ZFHX3: variants seen among roughly 807,000 people sequenced by gnomAD.
ZFHX3 encodes the protein zinc finger homeobox protein 3.
In ZFHX3, 42 loss-of-function variants were observed where a neutral mutation model predicts 279.1. The observed-to-expected ratio is 0.15, with a 90% CI of 0.12 to 0.19. ZFHX3 has a LOEUF of 0.19. Ranked by LOEUF, ZFHX3 falls within the 10% of genes least tolerant of loss-of-function variation. The pLI is 1.00. For synonymous variants in ZFHX3, 2,293 were observed against 1,957.8 expected (o/e 1.17, Z -4.52); for missense variants, 4,981 against 4,754.0 (o/e 1.05, Z -1.40).
intron 5 of ZFHX3, among the ~76,000 whole-genome samples, chr16:73,241,827 C>G (rs924970574): frequency 1.6e-4 from 23 of 141,608 alleles, no homozygotes; most frequent in African/African-American, 6.0e-4. Flanking sequence ...GAGTGTTGGG[C>G]ACTTCTTACT....
chr16:73,131,013 T>C, exon 7 of ZFHX3: 1 of 1,305,212 alleles, frequency 7.7e-7, no homozygotes, highest in Non-Finnish European at 1.0e-6. Context: ...GCGCTGGTTC[T>C]GGAGTTAGAC....
chr16:73,087,329 G>A (rs74911347), intron 8 of ZFHX3, among the ~76,000 whole-genome samples: 2,892 of 152,220 alleles, frequency 0.019, 72 homozygotes, highest in African/African-American at 0.06. Flanking sequence ...GGAATGTGAC[G>A]TGAATATGAA....
In ZFHX3 at chr16:73,248,262, G is replaced by A. The variant is rs115579612; in HGVS notation, c.-1104+8785C>T. Among the ~76,000 whole-genome samples the A allele has an allele frequency of 6.6e-3, 999 of 151,960 alleles. 13 individuals are homozygous for A. The highest frequency in any genetic ancestry group is 0.023 in the African/African-American group (958 of 41,408). ...TGTGTGTGTGTTTATGTGCGTGTAT[G>A]TGGAATGTTTGCATATGTGTGTGTA... On this transcript the variant is annotated intron_variant, in intron 5 of 17. Transcript: ENST00000641206.
chr16:73,836,172 G>A (rs2142363687), intron 1 of ZFHX3, among the ~76,000 whole-genome samples: 1 of 152,306 alleles, frequency 6.6e-6, no homozygotes, highest in East Asian at 1.9e-4. Context: ...AGTGTCCCCA[G>A]GTAAACTTAG....
At chr16:73,129,656 G>A (rs62052404) in intron 7 of ZFHX3, among the ~76,000 whole-genome samples, 61,664 of 151,490 alleles carry the variant, frequency 0.41, 14,310 homozygotes, top group Middle Eastern at 0.62. Context: ...GTGTGTGCAT[G>A]TATGTGTGCC....
chr16:73,448,357 A>C (rs1246952456), intron 3 of ZFHX3, among the ~76,000 whole-genome samples: 1 of 152,194 alleles, frequency 6.6e-6, no homozygotes, highest in Non-Finnish European at 1.5e-5. Flanking sequence ...CAAAATACAA[A>C]CTAAGTGGTA....
intron 3 of ZFHX3, among the ~76,000 whole-genome samples, chr16:72,913,595 G>T (rs1401599924): frequency 1.3e-5 from 2 of 152,186 alleles, no homozygotes; most frequent in African/African-American, 4.8e-5. Context: ...GGTGACATCT[G>T]CTGGGTTTCT....
intron 1 of ZFHX3, among the ~76,000 whole-genome samples, chr16:73,819,396 A>G (rs551530024): frequency 6.6e-6 from 1 of 151,556 alleles, no homozygotes; most frequent in Non-Finnish European, 1.5e-5. Context: ...AGGCATTGCT[A>G]ATTGTTGTTA....
intron 4 of ZFHX3, among the ~76,000 whole-genome samples, chr16:73,268,950 C>T (rs978914148): frequency 5.9e-5 from 9 of 152,156 alleles, no homozygotes; most frequent in Non-Finnish European, 7.3e-5. Context: ...CAGCAGTGCC[C>T]ACCAATGGAG....
chr16:73,715,307 T>G (rs1034005088), intron 1 of ZFHX3, among the ~76,000 whole-genome samples: 1 of 152,196 alleles, frequency 6.6e-6, no homozygotes, highest in Non-Finnish European at 1.5e-5. Flanking sequence ...AAATCAAGCA[T>G]GCTGGCATAG....
chr16:73,159,740 G>T (rs553565190), intron 5 of ZFHX3, among the ~76,000 whole-genome samples: 10 of 152,162 alleles, frequency 6.6e-5, no homozygotes, highest in African/African-American at 2.2e-4. Flanking sequence ...TGTTATTTTT[G>T]TCCTTTAAGC....
At chr16:72,821,092 A>G (rs1490267070) in intron 5 of ZFHX3, among the ~76,000 whole-genome samples, 1 of 152,224 alleles carries the variant, frequency 6.6e-6, no homozygotes, top group East Asian at 1.9e-4. Context: ...GTGAACATAA[A>G]CAGGTAAAAT....
intron 1 of ZFHX3, among the ~76,000 whole-genome samples, chr16:73,841,625 T>C (rs1210565984): frequency 6.6e-6 from 1 of 151,886 alleles, no homozygotes; most frequent in Non-Finnish European, 1.5e-5. Context: ...CACTATCTCC[T>C]CCCCAAGAGC....
chr16:73,352,925 G>C (rs1190599062), intron 3 of ZFHX3, among the ~76,000 whole-genome samples: 1 of 152,116 alleles, frequency 6.6e-6, no homozygotes, highest in Non-Finnish European at 1.5e-5. Context: ...TCAGGGCTGG[G>C]GTCCCAAGCC....
At chr16:72,849,420 A>G (rs2037557417) in intron 4 of ZFHX3, among the ~76,000 whole-genome samples, 1 of 152,116 alleles carries the variant, frequency 6.6e-6, no homozygotes, top group African/African-American at 2.4e-5. Context: ...GGAGGTTGAA[A>G]TGTGCTTACG....
chr16:73,644,174 C>T (rs553727833), intron 2 of ZFHX3, among the ~76,000 whole-genome samples: 4 of 152,174 alleles, frequency 2.6e-5, no homozygotes, highest in South Asian at 2.1e-4. Context: ...CCGGTTTATA[C>T]CCATTCTCTC....
At chr16:73,306,910 G>T (rs1047506420) in intron 4 of ZFHX3, among the ~76,000 whole-genome samples, 2 of 152,178 alleles carry the variant, frequency 1.3e-5, no homozygotes, top group African/African-American at 2.4e-5. Context: ...TGAGAGAAGG[G>T]TATAGAGTTA....
chr16:72,928,176 G>A (rs1401939101), intron 3 of ZFHX3, among the ~76,000 whole-genome samples: 1 of 69,756 alleles, frequency 1.4e-5, no homozygotes, highest in Non-Finnish European at 2.8e-5. Flanking sequence ...GGGAGGGGGA[G>A]GGGAGAGAGG....
intron 3 of ZFHX3, among the ~76,000 whole-genome samples, chr16:73,449,672 T>C (rs2018249686): frequency 1.3e-5 from 2 of 152,126 alleles, no homozygotes; most frequent in African/African-American, 2.4e-5. Flanking sequence ...ATGACAAATA[T>C]TACAAACCTT....
Sources: allele counts gnomAD v4.1 joint callset (sites outside exome capture counted in the v4.1 genomes callset), GRCh38; gene constraint gnomAD v4.1.1; transcripts MANE v1.5; gene names NCBI Gene and HGNC (gene_info 2026-07-23, HGNC 2026-07-21).